The following CHD6 variants were observed in gnomAD, a reference collection of about 807,000 sequenced individuals.
The protein encoded by CHD6 is ATP-dependent chromatin remodeler CHD6.
In CHD6, 50 loss-of-function variants were observed where a neutral mutation model predicts 276.9. The observed-to-expected ratio is 0.18, with a 90% CI of 0.14 to 0.23. The LOEUF is 0.23. Among genes scored for constraint, CHD6 ranks in the 10% least tolerant of loss-of-function variants. The pLI is 1.00. For missense variants in CHD6, 2,564 were observed against 3,365.8 expected, an observed-to-expected ratio of 0.76 and a Z score of 5.89; for synonymous variants, 1,173 against 1,229.3, an observed-to-expected ratio of 0.95 and a Z score of 0.96.
chr20:41,532,871 C>T (rs2044722734), intron 3 of CHD6, among the ~76,000 whole-genome samples, 179 bp downstream of exon 3: 1 of 152,230 alleles, frequency 6.6e-6, no homozygotes, highest in Non-Finnish European at 1.5e-5. Flanking sequence ...CCTCCAAGGA[C>T]AGCCCCTTGC....
At chr20:41,547,884 G>T (rs1348092469) in intron 2 of CHD6, 2 of 358,784 alleles carry the variant, frequency 5.6e-6, no homozygotes, top group East Asian at 1.3e-4. Context: ...TGACATCATG[G>T]ATGGCATCAA....
chr20:41,429,689 T>C (rs1017271136), intron 27 of CHD6, among the ~76,000 whole-genome samples: 6 of 152,160 alleles, frequency 3.9e-5, no homozygotes, highest in Non-Finnish European at 7.4e-5. Flanking sequence ...TGTAGTACCA[T>C]AAAGAAAGCT....
At chr20:41,444,134 C>T (rs1214613686) in intron 25 of CHD6, among the ~76,000 whole-genome samples, 4 of 152,106 alleles carry the variant, frequency 2.6e-5, no homozygotes, top group Non-Finnish European at 5.9e-5. Context: ...ATCTGGCTGC[C>T]TTTAGCAGCC....
Position 41,599,911 on chromosome 20 carries a change from G to A in CHD6, c.-24+18429C>T, listed in dbSNP as rs573401621. Among the ~76,000 whole-genome samples the A allele has an allele frequency of 2.2e-4, 34 of 152,258 alleles. No homozygotes were observed. In the South Asian group the frequency reaches 7.1e-3, roughly 32 times the overall value. ...CAATTGGGTCAGCTTAGACTGTGTG[G>A]TCCAACTCCAGCCAATGGGGAAAGG... On this transcript the variant is annotated intron_variant, in intron 1 of 36. Coordinates refer to ENST00000373233, the MANE Select transcript of CHD6 (RefSeq NM_032221.5).
At chr20:41,598,735 C>T (rs889107420) in intron 1 of CHD6, among the ~76,000 whole-genome samples, 1 of 152,188 alleles carries the variant, frequency 6.6e-6, no homozygotes, top group African/African-American at 2.4e-5. Flanking sequence ...CCTTGGAAAT[C>T]TAGCAAGATG....
At chr20:41,614,678 T>C (rs1160028092) in intron 1 of CHD6, 3 of 152,240 alleles carry the variant, frequency 2.0e-5, no homozygotes, top group Admixed American at 6.5e-5. Flanking sequence ...GGGACAAGCA[T>C]GGATATTTTA....
intron 12 of CHD6, 38 bp downstream of exon 12, chr20:41,489,740 A>G (rs757124920): frequency 5.0e-6 from 8 of 1,612,244 alleles, no homozygotes; most frequent in Admixed American, 1.7e-5. Flanking sequence ...TTCTGAGCTT[A>G]GGCAGTCCCT....
chr20:41,414,927 G>A, intron 34 of CHD6: 1 of 1,320,706 alleles, frequency 7.6e-7, no homozygotes, highest in Non-Finnish European at 9.6e-7. Context: ...AAACCCTGGA[G>A]GAGCGGGGTT....
rs976472345 is a variant in CHD6, at chr20:41,570,299, C to T, written c.-23-18939G>A. ...CATCAAAATCCTCAAGGAGTTGGTG[C>T]AAAGCTGGGTATCACAGACAAGTGA... On this transcript the variant is annotated intron_variant, in intron 1 of 36. Coordinates refer to ENST00000373233, the MANE Select transcript of CHD6 (RefSeq NM_032221.5). Among the ~76,000 whole-genome samples, 6 of 152,178 alleles carry T rather than the reference C, an allele frequency of 3.9e-5. No homozygotes were observed. In the South Asian group the frequency reaches 1.0e-3, roughly 26 times the overall value.
Position 41,423,537 on chromosome 20 carries a change from C to T in CHD6, c.4510G>A (p.Ala1504Thr). 6.2e-7 allele frequency: 1 copy of T among 1,614,230 alleles called. No homozygotes were observed. The highest frequency in any genetic ancestry group is 8.5e-7 in the Non-Finnish European group (1 of 1,180,034). ...AGACGACAGACATTCCGGCACATGG[C>T]CACAAAACTATAAAAATACTGTTCC... ...SLEQYFYSFV[A>T]MCRNVCRLPT... is the part of the protein sequence containing the mutation. Residue 1504 changes from alanine to threonine, a missense_variant, in exon 30 of 37, where the codon GCC (alanine) becomes ACC (threonine). Around this residue, in one of 7 missense-constraint regions of CHD6, gnomAD observed 515 missense variants for 739.5 expected, o/e 0.70. Transcript: ENST00000373233.
At position 41,471,425 on chromosome 20, in the gene CHD6, G is replaced by A. The variant is rs373874010; in HGVS notation, c.2664+1897C>T. On this transcript the variant is annotated intron_variant, in intron 17 of 36. Transcript: ENST00000373233. ...CTCATATTCAGCCATCTTTTCACCA[G>A]TAGAAAGATGGTAAGCTAGTTATAA... 1.2e-4 allele frequency among the ~76,000 whole-genome samples: 18 copies of A among 152,266 alleles called. No individual in the cohort carries two copies. In the East Asian group the frequency reaches 3.1e-3, roughly 26 times the overall value.
Position 41,487,721 on chromosome 20 carries a change from A to G in CHD6, c.1945T>C (p.Phe649Leu). ...TCCAAGAAAGCGGTCTCTGAAGGAA[A>G]CTGTGATGGCTCCAGAAAATTTAAC... ...SLLNFLEPSQFPSETAFLEEF... is the reference protein window; with the variant it reads ...SLLNFLEPSQLPSETAFLEEF... Residue 649 changes from phenylalanine (F) to leucine (L), a missense_variant, in exon 14 of 37, where the codon TTT becomes CTT. Physicochemically the swap from Phe to Leu is conservative, Grantham distance 22. Coordinates refer to ENST00000373233, the MANE Select transcript of CHD6 (RefSeq NM_032221.5). 1.9e-6 allele frequency: 3 copies of G among 1,612,416 alleles called. No individual in the cohort carries two copies. Among genetic ancestry groups the G allele is most frequent in the Non-Finnish European group, 2.5e-6 (3 of 1,179,564 alleles).
chr20:41,558,998 T>C (rs775607624), intron 1 of CHD6, among the ~76,000 whole-genome samples: 12 of 152,248 alleles, frequency 7.9e-5, no homozygotes, highest in Non-Finnish European at 4.4e-5. Flanking sequence ...ACAACGACTT[T>C]AAGTGAAACA....
chr20:41,523,617 T>C (rs1286159735), intron 3 of CHD6, among the ~76,000 whole-genome samples: 1 of 152,110 alleles, frequency 6.6e-6, no homozygotes, highest in African/African-American at 2.4e-5. Context: ...CTTTCTGTAG[T>C]TTGTCCTAGA....
Position 41,420,758 on chromosome 20 carries a change from T to C in CHD6, c.5877A>G (p.Lys1959=), listed in dbSNP as rs2047161051. Reference sequence around the variant, plus strand: ...ACAGATCTGGGATATAAGCCTTGGGTTTCTCGATTTCAAATTCATCATTCT... The same window carrying C: ...ACAGATCTGGGATATAAGCCTTGGGCTTCTCGATTTCAAATTCATCATTCT... ...GLENDEFEIE[K]PKAYIPDLFK... Residue 1959 remains lysine, a synonymous_variant, in exon 31 of 37, where the codon AAA becomes AAG. Transcript: ENST00000373233. The C allele has an allele frequency of 6.2e-7, 1 of 1,614,074 alleles. No individual in the cohort carries two copies. Among genetic ancestry groups the C allele is most frequent in the African/African-American group, 1.3e-5 (1 of 74,924 alleles).
At chr20:41,502,813 C>G (rs1225412463) in intron 5 of CHD6, among the ~76,000 whole-genome samples, 1 of 152,190 alleles carries the variant, frequency 6.6e-6, no homozygotes, top group African/African-American at 2.4e-5. Flanking sequence ...CGGGACCAGC[C>G]TGGCCAATAC....
chr20:41,600,127 C>T (rs2045758976), intron 1 of CHD6, among the ~76,000 whole-genome samples: 2 of 152,204 alleles, frequency 1.3e-5, no homozygotes, highest in African/African-American at 4.8e-5. Flanking sequence ...CTGTCTCCTT[C>T]AATACACTGA....
chr20:41,469,544 C>T (rs2145764499), intron 17 of CHD6, among the ~76,000 whole-genome samples: 1 of 152,272 alleles, frequency 6.6e-6, no homozygotes, highest in South Asian at 2.1e-4. Flanking sequence ...TTTGTCTTTC[C>T]TTCTCAGGCT....
intron 1 of CHD6, among the ~76,000 whole-genome samples, chr20:41,609,975 G>A (rs1184171668): frequency 1.3e-5 from 2 of 150,018 alleles, no homozygotes; most frequent in Non-Finnish European, 2.9e-5. Context: ...TCCTGCCTCA[G>A]CCTCCCAAGT....
Sources: allele counts gnomAD v4.1 joint callset (sites outside exome capture counted in the v4.1 genomes callset), GRCh38; gene constraint gnomAD v4.1.1; regional missense constraint gnomAD v4.1.1; transcripts MANE v1.5; gene names NCBI Gene and HGNC (gene_info 2026-07-23, HGNC 2026-07-21).